The following ANKRD28 variants were observed in gnomAD, a reference collection of about 807,000 sequenced individuals.
ANKRD28 encodes the protein serine/threonine-protein phosphatase 6 regulatory ankyrin repeat subunit A.
ANKRD28 carries 44 observed loss-of-function variants against 126.5 expected under a neutral mutation model. That is an observed-to-expected ratio of 0.35 (90% confidence interval 0.27 to 0.45). The LOEUF (loss-of-function observed/expected upper bound fraction) is 0.45, where lower values mean the gene tolerates loss of function less well. Ranked by LOEUF, ANKRD28 falls within the 20% of genes least tolerant of loss-of-function variation. The probability of loss-of-function intolerance (pLI) is 1.00; values close to 1 mark genes in which losing one functional copy is unlikely to be tolerated. For missense variants in ANKRD28, 1,110 were observed against 1,316.6 expected (o/e 0.84, Z 2.43); for synonymous variants, 442 against 468.5 (o/e 0.94, Z 0.73).
intron 1 of ANKRD28, among the ~76,000 whole-genome samples, chr3:15,848,049 T>C (rs1196248936): frequency 1.3e-5 from 2 of 152,202 alleles, no homozygotes; most frequent in South Asian, 2.1e-4. Context: ...CTTGTGTCCT[T>C]TGGAGTCTGG....
Position 15,796,890 on chromosome 3 carries a change from T to C in ANKRD28, c.-369A>G. 1 of 987,594 alleles carries C rather than the reference T, an allele frequency of 1.0e-6. No individual in the cohort carries two copies. Among genetic ancestry groups the C allele is most frequent in the African/African-American group, 1.7e-5 (1 of 57,342 alleles). The allele number at this position is 987,594 out of a possible 1,614,324, so 61.2% of individuals were successfully genotyped here. ...TCTGAAATTTACTTGCACAAAACAATCATTGTTTTTGGTGACACAACACCA... is the reference window on the plus strand; with the variant it reads ...TCTGAAATTTACTTGCACAAAACAACCATTGTTTTTGGTGACACAACACCA... On this transcript the variant is annotated 5_prime_UTR_variant, in exon 1 of 28. It removes the in-frame stop codon of an upstream open reading frame in the 5' UTR. Transcript: ENST00000683139.
At chr3:15,784,121 C>T (rs1418335378) in intron 2 of ANKRD28, among the ~76,000 whole-genome samples, 1 of 151,780 alleles carries the variant, frequency 6.6e-6, no homozygotes, top group African/African-American at 2.4e-5. Flanking sequence ...CTCAGACAAA[C>T]AAAAATTGAG....
chr3:15,857,224 C>T (rs2061792853), intron 1 of ANKRD28, among the ~76,000 whole-genome samples: 2 of 152,178 alleles, frequency 1.3e-5, no homozygotes, highest in Admixed American at 6.5e-5. Flanking sequence ...GCCAATTACT[C>T]AGTAGTTTAG....
intron 2 of ANKRD28, among the ~76,000 whole-genome samples, chr3:15,770,836 G>A (rs7621222): frequency 0.013 from 1,922 of 152,240 alleles, 45 homozygotes; most frequent in African/African-American, 0.044. Flanking sequence ...TGAAAGTAGG[G>A]GAAGATTAAC....
intron 14 of ANKRD28, among the ~76,000 whole-genome samples, chr3:15,703,881 CAACTT>C (rs1385353593): frequency 6.6e-6 from 1 of 152,116 alleles, no homozygotes; most frequent in Non-Finnish European, 1.5e-5. Flanking sequence ...ACCAGGACTT[CAACTT>C]TGATTAAGGC....
intron 2 of ANKRD28, among the ~76,000 whole-genome samples, chr3:15,789,043 C>T (rs565605629): frequency 7.9e-4 from 120 of 152,112 alleles, no homozygotes; most frequent in Non-Finnish European, 1.3e-3. Context: ...TACCACTCTG[C>T]TTTTAAAACA....
chr3:15,693,493 T>C (rs1306164618), intron 17 of ANKRD28, among the ~76,000 whole-genome samples: 4 of 152,204 alleles, frequency 2.6e-5, no homozygotes, highest in Non-Finnish European at 4.4e-5. Context: ...TCCTAAAGAC[T>C]GCAGGGCTTT....
chr3:15,839,067 A>G lies in ANKRD28; in HGVS notation c.27+20310T>C, dbSNP rs2061380902. On this transcript the variant is annotated intron_variant, in intron 1 of 27. Transcript: ENST00000399451. This position sits in a 1 kb window ranked among gnomAD's most constrained non-coding sequence, Gnocchi z 4.3. ...AAATGTCCATAAAAGTTTATAAAAT[A>G]AAACCATTATTCAATGGTGGCCTGG... Among the ~76,000 whole-genome samples the G allele has an allele frequency of 6.6e-6, 1 of 152,204 alleles. No individual in the cohort carries two copies. Among genetic ancestry groups the G allele is most frequent in the African/African-American group, 2.4e-5 (1 of 41,442 alleles).
intron 5 of ANKRD28, among the ~76,000 whole-genome samples, chr3:15,735,723 G>A (rs2074972587): frequency 6.6e-6 from 1 of 152,136 alleles, no homozygotes; most frequent in African/African-American, 2.4e-5. Context: ...TACCTTTTTA[G>A]GATGCCACTT....
intron 1 of ANKRD28, among the ~76,000 whole-genome samples, chr3:15,808,573 T>C (rs1162351333): frequency 1.3e-5 from 2 of 152,214 alleles, no homozygotes; most frequent in Admixed American, 6.5e-5. Context: ...CTTCAAGACT[T>C]TGCAGTCTAA....
At position 15,797,335 on chromosome 3, in the gene ANKRD28, T is replaced by C; in HGVS notation, c.-814A>G. On this transcript the variant is annotated 5_prime_UTR_variant, in exon 1 of 28. In the 5' UTR this introduces an upstream ATG that the reference lacks. Coordinates refer to ENST00000683139, the MANE Select transcript of ANKRD28 (RefSeq NM_001349278.2). ...CAGCTTGATTAATCCAGGTTTCCCA[T>C]ATAATAGAAGAAACACAGTTAGCTT... The C allele has an allele frequency of 1.0e-6, 1 of 985,286 alleles. No individual in the cohort carries two copies. The highest frequency in any genetic ancestry group is 1.2e-6 in the Non-Finnish European group (1 of 829,910). 61.0% of individuals were successfully genotyped at this position (985,286 alleles called of 1,614,324 possible).
At position 15,796,565 on chromosome 3, in the gene ANKRD28, C is replaced by T; in HGVS notation, c.-44G>A. The T allele has an allele frequency of 1.6e-6, 2 of 1,255,348 alleles. No individual in the cohort carries two copies. Among genetic ancestry groups the T allele is most frequent in the Non-Finnish European group, 2.1e-6 (2 of 967,960 alleles). The allele number at this position is 1,255,348 out of a possible 1,614,324, so 77.8% of individuals were successfully genotyped here. A position where few individuals can be genotyped will look rare whatever the true frequency, so the allele number is the denominator to read the frequency against. ...AAATTCCAAGCTATGTGATAAAAGT[C>T]ACAGTTGGAAGAGCACAAGTAGTTT... is the stretch of plus-strand genomic sequence containing the variant. On this transcript the variant is annotated 5_prime_UTR_variant, in exon 1 of 28. Transcript: ENST00000683139.
chr3:15,842,513 T>A (rs1443820709), intron 1 of ANKRD28, among the ~76,000 whole-genome samples: 2 of 152,018 alleles, frequency 1.3e-5, no homozygotes, highest in Non-Finnish European at 2.9e-5. Flanking sequence ...GACCTAGCAT[T>A]TGGCAGCACA....
chr3:15,692,784 T>G (rs1428663197), intron 17 of ANKRD28, among the ~76,000 whole-genome samples: 1 of 152,256 alleles, frequency 6.6e-6, no homozygotes, highest in Non-Finnish European at 1.5e-5. Flanking sequence ...TATTTCAATT[T>G]TTAGTTTAAA....
intron 3 of ANKRD28, among the ~76,000 whole-genome samples, chr3:15,762,213 ACAAAAC>A (rs1234966030): frequency 0.011 from 365 of 33,154 alleles, 8 homozygotes; most frequent in Middle Eastern, 0.042. Flanking sequence ...AAAAAAAAAA[ACAAAAC>A]AAAAAAAAAA....
chr3:15,694,211 A>G (rs956777082), intron 17 of ANKRD28, among the ~76,000 whole-genome samples: 1 of 111,920 alleles, frequency 8.9e-6, no homozygotes, highest in Non-Finnish European at 2.3e-5. Flanking sequence ...AGTGATTGAC[A>G]CTGAAAAAAA....
intron 14 of ANKRD28, among the ~76,000 whole-genome samples, chr3:15,701,580 G>GTTGCAGTAAGCTGAGA (rs2070632590): frequency 6.6e-6 from 1 of 152,032 alleles, no homozygotes; most frequent in Non-Finnish European, 1.5e-5. Flanking sequence ...GGAGGCGGAG[G>GTTGCAGTAAGCTGAGA]TTGCAGTAAG....
chr3:15,805,718 G>C (rs973290508), intron 1 of ANKRD28, among the ~76,000 whole-genome samples: 2 of 152,178 alleles, frequency 1.3e-5, no homozygotes, highest in African/African-American at 4.8e-5. Context: ...GGTGATGCCA[G>C]AGTAAATGTA....
chr3:15,723,110 C>T (rs2073893620), intron 7 of ANKRD28, among the ~76,000 whole-genome samples: 1 of 152,122 alleles, frequency 6.6e-6, no homozygotes, highest in African/African-American at 2.4e-5. Flanking sequence ...TAATCAGAAA[C>T]AAAGTTGCCT....
Sources: gnomAD v4.1 joint callset for allele counts (sites outside exome capture counted in the v4.1 genomes callset) on GRCh38, gnomAD v4.1.1 for gene constraint, Gnocchi (gnomAD v3.1) non-coding constraint, MANE v1.5 for transcripts, NCBI Gene and HGNC (gene_info 2026-07-23, HGNC 2026-07-21) for gene names.